SH2D3C: variants seen among roughly 807,000 people sequenced by gnomAD.
The protein encoded by SH2D3C is SH2 domain-containing protein 3C.
A neutral mutation model predicts 75.2 loss-of-function variants in SH2D3C; 25 were observed. That is an observed-to-expected ratio of 0.33 (90% CI 0.24 to 0.46). The LOEUF is 0.46. SH2D3C is among the 20% of genes least tolerant of loss of function. The probability of loss-of-function intolerance (pLI) is 1.00; values close to 1 mark genes in which losing one functional copy is unlikely to be tolerated. For missense variants in SH2D3C, 933 were observed against 1,165.3 expected, an observed-to-expected ratio of 0.80 and a Z score of 2.90; for synonymous variants, 450 against 473.7, an observed-to-expected ratio of 0.95 and a Z score of 0.65.
intron 2 of SH2D3C, chr9:127,767,503 T>G (rs979258237): frequency 6.1e-6 from 1 of 162,818 alleles, no homozygotes; most frequent in African/African-American, 2.4e-5. Flanking sequence ...GCAGAGGAGG[T>G]GAAGCTAGAG....
rs1845787205 is a variant in SH2D3C, at chr9:127,774,863, G to C, written c.38-396C>G. Among the ~76,000 whole-genome samples the C allele has an allele frequency of 6.6e-6, 1 of 152,218 alleles. No homozygotes were observed. Among genetic ancestry groups the C allele is most frequent in the Non-Finnish European group, 1.5e-5 (1 of 68,030 alleles). On this transcript the variant is annotated intron_variant, in intron 1 of 11. Transcript: ENST00000314830. This position sits in a 1 kb window ranked among gnomAD's most constrained non-coding sequence, Gnocchi z 4.3. ...CCAGCACTTTGGGAGGCCGAGGCGG[G>C]TGGATCACCTGAGGTCAGGAGTTCG...
intron 6 of SH2D3C, among the ~76,000 whole-genome samples, chr9:127,745,760 G>C (rs897341127): frequency 6.6e-6 from 1 of 152,082 alleles, no homozygotes; most frequent in Non-Finnish European, 1.5e-5. Flanking sequence ...CTCCTGAGTA[G>C]CTGGGATTAC....
intron 2 of SH2D3C, among the ~76,000 whole-genome samples, chr9:127,770,781 T>G (rs1231573908): frequency 6.6e-6 from 1 of 152,218 alleles, no homozygotes; most frequent in East Asian, 1.9e-4. Flanking sequence ...GGCTGGGTCC[T>G]GGACTTGCCA....
intron 1 of SH2D3C, among the ~76,000 whole-genome samples, chr9:127,778,135 G>A (rs983060231): frequency 2.0e-5 from 3 of 151,832 alleles, no homozygotes; most frequent in Non-Finnish European, 2.9e-5. Context: ...TTACAGGTGC[G>A]TGTCACCATA....
At chr9:127,778,447 G>A in intron 1 of SH2D3C, 144 bp downstream of exon 1, 2 of 713,948 alleles carry the variant, frequency 2.8e-6, no homozygotes, top group Non-Finnish European at 5.1e-6. Context: ...CAGAGACGCT[G>A]GTGTCCAAAA....
chr9:127,770,152 T>C (rs1373015098), intron 2 of SH2D3C, among the ~76,000 whole-genome samples: 1 of 152,094 alleles, frequency 6.6e-6, no homozygotes, highest in Non-Finnish European at 1.5e-5. Flanking sequence ...TTTCCTTTTT[T>C]AGCCAGGGGA....
At chr9:127,764,450 T>A (rs1845594857) in intron 2 of SH2D3C, among the ~76,000 whole-genome samples, 1 of 152,148 alleles carries the variant, frequency 6.6e-6, no homozygotes, top group Admixed American at 6.5e-5. Flanking sequence ...AGCAGTCCTG[T>A]TCAAAGGAAG....
At chr9:127,762,657 C>T (rs1260239593) in intron 2 of SH2D3C, among the ~76,000 whole-genome samples, 1 of 152,236 alleles carries the variant, frequency 6.6e-6, no homozygotes, top group African/African-American at 2.4e-5. Flanking sequence ...TGGGGCCACC[C>T]TCGTGTCTCC....
intron 4 of SH2D3C, among the ~76,000 whole-genome samples, chr9:127,750,817 C>T (rs1845179604): frequency 1.3e-5 from 2 of 152,214 alleles, no homozygotes; most frequent in Non-Finnish European, 2.9e-5. Context: ...TTGGTACTCA[C>T]TAAGCAAACA....
intron 2 of SH2D3C, among the ~76,000 whole-genome samples, chr9:127,766,559 TTTTGTTTG>T (rs376947206): frequency 3.9e-5 from 6 of 152,060 alleles, no homozygotes; most frequent in South Asian, 2.1e-4. Context: ...TCCTTCCTGT[TTTTGTTTG>T]TTTGTTTGTT....
chr9:127,770,617 G>A (rs1291501909), intron 2 of SH2D3C, among the ~76,000 whole-genome samples: 1 of 152,154 alleles, frequency 6.6e-6, no homozygotes, highest in Non-Finnish European at 1.5e-5. Context: ...CCAGAAGGGG[G>A]CTCAATCTGG....
Position 127,749,520 on chromosome 9 carries a change from C to T in SH2D3C, c.830G>A (p.Ser277Asn). The change falls in exon 5 of 12, where the codon AGC becomes AAC. Residue 277 changes from serine (S) to asparagine (N), a missense_variant. Ser to Asn is a conservative substitution (Grantham distance 46). Coordinates refer to ENST00000314830, the MANE Select transcript of SH2D3C (RefSeq NM_170600.3). The surrounding 1 kb of genome is among the most constrained non-coding windows in gnomAD (Gnocchi z 5.9). ...AAACAGGTACTGGATGTGTGTGTAG[C>T]TCTCGCCTGCCTTCACCACCACCTT... ...INKVVVKAGE[S>N]YTHIQYLFEQ... is the part of the protein sequence containing the mutation. 1 of 1,611,472 alleles carries T rather than the reference C, an allele frequency of 6.2e-7. No homozygotes were observed. The highest frequency in any genetic ancestry group is 8.5e-7 in the Non-Finnish European group (1 of 1,178,956).
intron 3 of SH2D3C, among the ~76,000 whole-genome samples, chr9:127,759,296 A>G (rs927339420): frequency 3.5e-4 from 53 of 152,072 alleles, no homozygotes; most frequent in Non-Finnish European, 7.4e-4. Context: ...ACTCACTGCA[A>G]CCTCTCCCTC....
At chr9:127,740,888 G>A (rs1844835469) in intron 9 of SH2D3C, among the ~76,000 whole-genome samples, 1 of 152,126 alleles carries the variant, frequency 6.6e-6, no homozygotes. Context: ...TCACCATGTT[G>A]GCCAAGATGA....
rs1845773621 is a variant in SH2D3C, at chr9:127,773,986, C to T, written c.515+4G>A. On this transcript the variant is annotated splice_donor_region_variant and intron_variant, in intron 2 of 11. Transcript: ENST00000314830. Reference sequence around the variant, plus strand: ...CAGGTCCCAACCAGCCCCTGGGCACCTACCTTTCTGAGTGCACGTCCCTGG... The same window carrying T: ...CAGGTCCCAACCAGCCCCTGGGCACTTACCTTTCTGAGTGCACGTCCCTGG... 2 of 1,588,650 alleles carry T rather than the reference C, an allele frequency of 1.3e-6. No individual in the cohort carries two copies. The highest frequency in any genetic ancestry group is 4.5e-5 in the East Asian group (2 of 44,650).
intron 1 of SH2D3C, among the ~76,000 whole-genome samples, chr9:127,775,880 G>A (rs1845801421): frequency 6.6e-6 from 1 of 151,818 alleles, no homozygotes; most frequent in Admixed American, 6.6e-5. Flanking sequence ...CCAGGCTGGA[G>A]TGCAGTGGTG....
At chr9:127,741,758 C>T (rs1256299101) in intron 9 of SH2D3C, 30 bp downstream of exon 9, 3 of 1,607,170 alleles carry the variant, frequency 1.9e-6, no homozygotes, top group Non-Finnish European at 1.7e-6. Flanking sequence ...GACAGTCTAC[C>T]GGGTGCCAGC....
chr9:127,741,716 A>G, intron 9 of SH2D3C, 72 bp downstream of exon 9: 1 of 1,529,082 alleles, frequency 6.5e-7, no homozygotes, highest in South Asian at 1.2e-5. Flanking sequence ...TTCCATATAC[A>G]GCCATCCCAA....
At chr9:127,777,548 A>G (rs1466698767) in intron 1 of SH2D3C, among the ~76,000 whole-genome samples, 1 of 132,704 alleles carries the variant, frequency 7.5e-6, no homozygotes, top group Non-Finnish European at 1.6e-5. Context: ...CTGGGATCCC[A>G]TGACGCCCCC....
Sources: allele counts gnomAD v4.1 joint callset (sites outside exome capture counted in the v4.1 genomes callset), GRCh38; gene constraint gnomAD v4.1.1; non-coding constraint Gnocchi (gnomAD v3.1); transcripts MANE v1.5; gene names NCBI Gene and HGNC (gene_info 2026-07-23, HGNC 2026-07-21).